The following POLK variants were observed in gnomAD, a reference collection of about 807,000 sequenced individuals.
The protein encoded by POLK is polymerase (DNA directed) kappa.
POLK carries 76 observed loss-of-function variants against 94.0 expected under a neutral mutation model. The ratio of observed to expected loss-of-function variants is 0.81; its 90% CI spans 0.67 to 0.98. The LOEUF (loss-of-function observed/expected upper bound fraction) is 0.98. Ranked by LOEUF, POLK falls within the 50% of genes least tolerant of loss-of-function variation. The probability of loss-of-function intolerance (pLI) is 0.00; values close to 1 mark genes in which losing one functional copy is unlikely to be tolerated. For missense variants in POLK, 954 were observed against 1,010.1 expected, an observed-to-expected ratio of 0.94 and a Z score of 0.75; for synonymous variants, 349 against 325.4, an observed-to-expected ratio of 1.07 and a Z score of -0.78.
At chr5:75,593,815 C>A in intron 11 of POLK, 63 bp from the exon 12 acceptor site, 1 of 1,009,540 alleles carries the variant, frequency 9.9e-7, no homozygotes. Context: ...CGCACTCCAG[C>A]ATGGACAACA....
At chr5:75,572,995 C>G (rs1237889452) in intron 4 of POLK, among the ~76,000 whole-genome samples, 1 of 152,188 alleles carries the variant, frequency 6.6e-6, no homozygotes, top group Non-Finnish European at 1.5e-5. Flanking sequence ...CCATTTGACC[C>G]AGCCATCCCA....
At chr5:75,596,943 A>G (rs1167346944) in exon 13 of POLK, 3 of 1,613,498 alleles carry the variant, frequency 1.9e-6, no homozygotes, top group Non-Finnish European at 2.5e-6. Flanking sequence ...CTACTGTTTC[A>G]TTGGAAAACG....
intron 6 of POLK, chr5:75,580,506 G>C: frequency 3.1e-6 from 1 of 317,648 alleles, no homozygotes; most frequent in Non-Finnish European, 4.6e-6. Flanking sequence ...ATAGTTTATA[G>C]CCTATTAATA....
exon 8 of POLK, chr5:75,583,417 G>A (rs1374642357): frequency 6.3e-7 from 1 of 1,587,588 alleles, no homozygotes; most frequent in Non-Finnish European, 8.6e-7. Context: ...CCATTAGAAA[G>A]GTAAGATTTT....
At chr5:75,590,559 G>A (rs1018119) in intron 11 of POLK, 119 bp downstream of exon 11, 58,971 of 663,376 alleles carry the variant, frequency 0.089, 3,105 homozygotes, top group South Asian at 0.16. Context: ...ATAAACGTCA[G>A]AATAGTGTAT....
chr5:75,565,199 G>A (rs746434114), intron 3 of POLK, among the ~76,000 whole-genome samples: 1 of 151,986 alleles, frequency 6.6e-6, no homozygotes, highest in South Asian at 2.1e-4. Flanking sequence ...TATGCTTCCC[G>A]AAGTTCTTGT....
At chr5:75,525,755 A>G (rs1482100771) in intron 1 of POLK, among the ~76,000 whole-genome samples, 2 of 152,214 alleles carry the variant, frequency 1.3e-5, no homozygotes, top group African/African-American at 4.8e-5. Flanking sequence ...GTACTGAAAG[A>G]AAAAAGCTGT....
intron 1 of POLK, among the ~76,000 whole-genome samples, chr5:75,527,415 G>A (rs1768913274): frequency 6.6e-6 from 1 of 151,444 alleles, no homozygotes; most frequent in South Asian, 2.1e-4. Context: ...AGCTACTTGA[G>A]AGGCTGCAGT....
chr5:75,589,522 T>G (rs1283715339), intron 10 of POLK, among the ~76,000 whole-genome samples: 1 of 151,474 alleles, frequency 6.6e-6, no homozygotes, highest in African/African-American at 2.4e-5. Flanking sequence ...GCGATCTCGG[T>G]TCACTGCAAG....
intron 1 of POLK, among the ~76,000 whole-genome samples, chr5:75,522,596 G>A (rs1313851335): frequency 6.6e-6 from 1 of 152,146 alleles, no homozygotes; most frequent in African/African-American, 2.4e-5. Flanking sequence ...TTTGAAAGCT[G>A]AAGTATGATA....
At chr5:75,595,562 AT>A (rs1334903568) in intron 12 of POLK, among the ~76,000 whole-genome samples, 1 of 152,168 alleles carries the variant, frequency 6.6e-6, no homozygotes, top group Non-Finnish European at 1.5e-5. Flanking sequence ...AAAATAATTG[AT>A]TGTCAGGAGT....
intron 1 of POLK, among the ~76,000 whole-genome samples, chr5:75,520,280 TA>T (rs368797285): frequency 6.9e-4 from 105 of 152,390 alleles, no homozygotes; most frequent in African/African-American, 2.4e-3. Context: ...CGATTGTTTT[TA>T]ACAAGTTTGT....
the POLK span, among the ~76,000 whole-genome samples, chr5:75,607,467 CAAAAAAAA>C: frequency 1.7e-5 from 1 of 59,848 alleles, no homozygotes; most frequent in African/African-American, 6.5e-5. Context: ...GACCTTGTCT[CAAAAAAAA>C]AAAAAAAAAA....
At chr5:75,604,715 G>A (rs1388602189), downstream of POLK, among the ~76,000 whole-genome samples, 1 of 152,156 alleles carries the variant, frequency 6.6e-6, no homozygotes, top group Non-Finnish European at 1.5e-5. Flanking sequence ...GTTCCATTTT[G>A]AAAAGCAGTG....
At chr5:75,583,509 A>G (rs1772310684) in intron 8 of POLK, 92 bp downstream of exon 8, 1 of 711,742 alleles carries the variant, frequency 1.4e-6, no homozygotes, top group East Asian at 3.0e-5. Context: ...TTTGCTTAAA[A>G]GTTTTAAAAT....
At chr5:75,568,008 G>A (rs1211386045) in intron 3 of POLK, among the ~76,000 whole-genome samples, 1 of 152,096 alleles carries the variant, frequency 6.6e-6, no homozygotes, top group Admixed American at 6.6e-5. Flanking sequence ...AGACTAAGAA[G>A]GAAGGACATA....
At chr5:75,563,192 C>T (rs1040682530) in intron 3 of POLK, among the ~76,000 whole-genome samples, 3 of 152,152 alleles carry the variant, frequency 2.0e-5, no homozygotes, top group Non-Finnish European at 4.4e-5. Context: ...GAACTCCCAA[C>T]CGCAGGTGAT....
At chr5:75,574,933 G>A (rs1049280549) in intron 5 of POLK, among the ~76,000 whole-genome samples, 1 of 152,296 alleles carries the variant, frequency 6.6e-6, no homozygotes, top group East Asian at 1.9e-4. Flanking sequence ...GTAAGAAAAG[G>A]TATTTTTTAA....
intron 1 of POLK, among the ~76,000 whole-genome samples, chr5:75,520,270 C>T (rs527718707): frequency 3.3e-4 from 50 of 152,240 alleles, no homozygotes; most frequent in African/African-American, 1.1e-3. Context: ...GCTGTAGCTA[C>T]GATTGTTTTT....
Sources: gnomAD v4.1 joint callset for allele counts (sites outside exome capture counted in the v4.1 genomes callset) on GRCh38, gnomAD v4.1.1 for gene constraint, MANE v1.5 for transcripts, NCBI Gene and HGNC (gene_info 2026-07-23, HGNC 2026-07-21) for gene names.